Variants in RABGAP1L observed in about 807,000 individuals in gnomAD.
RABGAP1L encodes rab GTPase-activating protein 1-like.
In RABGAP1L, 63 loss-of-function variants were observed where a neutral mutation model predicts 137.7. The observed-to-expected ratio is 0.46, with a 90% CI of 0.37 to 0.56. RABGAP1L has a LOEUF of 0.56. RABGAP1L is among the 20% of genes least tolerant of loss of function. The pLI is 0.00. For synonymous variants in RABGAP1L, 431 were observed against 433.7 expected (o/e 0.99, Z 0.08); for missense variants, 1,095 against 1,244.0 (o/e 0.88, Z 1.80).
intron 13 of RABGAP1L, among the ~76,000 whole-genome samples, chr1:174,413,612 A>ATT: frequency 6.6e-6 from 1 of 151,916 alleles, no homozygotes; most frequent in Middle Eastern, 3.4e-3. Flanking sequence ...CGCAGGTATG[A>ATT]TTGTTTTTCT....
chr1:174,892,420 T>C (rs1228940155), intron 19 of RABGAP1L: 2 of 409,084 alleles, frequency 4.9e-6, no homozygotes, highest in Non-Finnish European at 9.4e-6. Flanking sequence ...TGAAGAAATA[T>C]GAATATCAAC....
intron 13 of RABGAP1L, among the ~76,000 whole-genome samples, chr1:174,550,949 CATATATATACACAT>C (rs1172406857): frequency 9.3e-6 from 1 of 108,090 alleles, no homozygotes; most frequent in Non-Finnish European, 1.7e-5. Context: ...TATATACACA[CATATATATACACAT>C]ATATATACAT....
chr1:174,510,025 C>T (rs1216422416), intron 13 of RABGAP1L, among the ~76,000 whole-genome samples: 1 of 152,168 alleles, frequency 6.6e-6, no homozygotes, highest in East Asian at 1.9e-4. Context: ...TTCACCAGTC[C>T]ATTCTACCCA....
intron 14 of RABGAP1L, among the ~76,000 whole-genome samples, chr1:174,673,062 A>G (rs1677307643): frequency 6.6e-6 from 1 of 152,098 alleles, no homozygotes. Flanking sequence ...AACCCCTAAT[A>G]CATACACACA....
intron 11 of RABGAP1L, among the ~76,000 whole-genome samples, chr1:174,309,032 A>G (rs1421826681): frequency 1.3e-5 from 2 of 151,974 alleles, no homozygotes; most frequent in African/African-American, 4.8e-5. Context: ...ACTTATTTGT[A>G]TCTTCTTAAA....
intron 19 of RABGAP1L, among the ~76,000 whole-genome samples, chr1:174,814,255 TA>T: frequency 6.6e-6 from 1 of 152,302 alleles, no homozygotes; most frequent in East Asian, 1.9e-4. Flanking sequence ...TAAATATGAA[TA>T]TTTTTAAAGC....
intron 15 of RABGAP1L, 75 bp from the exon 16 acceptor site, chr1:174,699,450 A>G: frequency 7.1e-7 from 1 of 1,417,866 alleles, no homozygotes; most frequent in Non-Finnish European, 9.6e-7. Flanking sequence ...GAGGACTAAT[A>G]ACATGAAGGA....
intron 19 of RABGAP1L, among the ~76,000 whole-genome samples, chr1:174,864,516 G>A (rs1650867763): frequency 6.6e-6 from 1 of 152,154 alleles, no homozygotes; most frequent in African/African-American, 2.4e-5. Context: ...ATGGTGGCAG[G>A]AAGGAGAAGA....
chr1:174,943,832 CA>C (rs1226446592), intron 19 of RABGAP1L, among the ~76,000 whole-genome samples: 2 of 149,966 alleles, frequency 1.3e-5, no homozygotes, highest in Middle Eastern at 3.4e-3. Flanking sequence ...GACTCCATCT[CA>C]AAAAAAAAGA....
chr1:174,360,753 C>T (rs1291611726), intron 11 of RABGAP1L, among the ~76,000 whole-genome samples: 1 of 152,136 alleles, frequency 6.6e-6, no homozygotes, highest in Non-Finnish European at 1.5e-5. Flanking sequence ...CTTTTCTCCC[C>T]ATAAATTCTT....
At chr1:174,866,932 A>T (rs57927507) in intron 19 of RABGAP1L, among the ~76,000 whole-genome samples, 31,697 of 151,590 alleles carry the variant, frequency 0.21, 3,585 homozygotes, top group Admixed American at 0.25. Context: ...TTTTTTTTTT[A>T]AATTTAAAAA....
chr1:174,823,805 C>T (rs563263649), intron 19 of RABGAP1L, among the ~76,000 whole-genome samples: 11 of 152,202 alleles, frequency 7.2e-5, no homozygotes, highest in Admixed American at 3.3e-4. Context: ...AGCAAAATAT[C>T]GCATGTTCTC....
chr1:174,805,136 G>A (rs1374517489), intron 18 of RABGAP1L, among the ~76,000 whole-genome samples: 1 of 152,176 alleles, frequency 6.6e-6, no homozygotes, highest in Admixed American at 6.5e-5. Flanking sequence ...TATGCTTGAA[G>A]TGGAGCCTTA....
In RABGAP1L at chr1:174,991,651, T is replaced by C. The variant is rs1261300850; in HGVS notation, c.*1650T>C. 3 of 152,266 alleles carry C rather than the reference T, an allele frequency of 2.0e-5. No individual in the cohort carries two copies. Among genetic ancestry groups the C allele is most frequent in the Non-Finnish European group, 4.4e-5 (3 of 68,038 alleles). The allele number at this position is 152,266 out of a possible 1,614,324, so 9.4% of individuals were successfully genotyped here. Reference sequence around the variant, plus strand: ...GATAATACTTTTCTTACATAAATCTTTCATTGTTGTTCTGACATCTTTCAT... The same window carrying C: ...GATAATACTTTTCTTACATAAATCTCTCATTGTTGTTCTGACATCTTTCAT... On this transcript the variant is annotated 3_prime_UTR_variant, in exon 26 of 26. Coordinates refer to ENST00000681986, the MANE Select transcript of RABGAP1L (RefSeq NM_001366446.1).
intron 12 of RABGAP1L, among the ~76,000 whole-genome samples, chr1:174,388,875 T>C (rs975677065): frequency 6.6e-6 from 1 of 152,138 alleles, no homozygotes; most frequent in East Asian, 1.9e-4. Flanking sequence ...CATTCTTTTT[T>C]ATTGAGTAAG....
chr1:174,475,563 A>C (rs1027945998), intron 13 of RABGAP1L, among the ~76,000 whole-genome samples: 2 of 152,088 alleles, frequency 1.3e-5, no homozygotes, highest in African/African-American at 4.8e-5. Flanking sequence ...TTTTGTAGGT[A>C]AATAGGTTTA....
chr1:174,927,619 A>G (rs1663063285), intron 19 of RABGAP1L, among the ~76,000 whole-genome samples: 1 of 152,190 alleles, frequency 6.6e-6, no homozygotes, highest in African/African-American at 2.4e-5. Context: ...AGGTGTGATC[A>G]TAGTGCACTA....
At chr1:174,309,930 G>A (rs535218575) in intron 11 of RABGAP1L, among the ~76,000 whole-genome samples, 1 of 152,246 alleles carries the variant, frequency 6.6e-6, no homozygotes, top group East Asian at 1.9e-4. Context: ...TTTGAGAACA[G>A]TTGGTATTAA....
At position 174,322,505 on chromosome 1, in the gene RABGAP1L, C is replaced by T. The variant is rs187422537; in HGVS notation, c.1465+17378C>T. ...TTGTTGGAAAGTAACATCAGTTTCT[C>T]TTCACATAAGTTTCTTTAGAGAGGC... is the stretch of plus-strand genomic sequence containing the variant. On this transcript the variant is annotated intron_variant, in intron 11 of 25. Coordinates refer to ENST00000681986, the MANE Select transcript of RABGAP1L (RefSeq NM_001366446.1). Among the ~76,000 whole-genome samples, 211 of 152,284 alleles carry T rather than the reference C, an allele frequency of 1.4e-3. 1 individual carries two copies. The highest frequency in any genetic ancestry group is 5.0e-3 in the African/African-American group (206 of 41,558).
Sources: gnomAD v4.1 joint callset for allele counts (sites outside exome capture counted in the v4.1 genomes callset) on GRCh38, gnomAD v4.1.1 for gene constraint, MANE v1.5 for transcripts, NCBI Gene and HGNC (gene_info 2026-07-23, HGNC 2026-07-21) for gene names.